Variants in CAST observed in about 807,000 individuals in gnomAD.
CAST encodes the protein calpastatin.
Under a neutral mutation model 119.6 loss-of-function variants are expected in CAST, and 76 were observed. That is an observed-to-expected ratio of 0.64 (90% CI 0.53 to 0.77). The LOEUF (loss-of-function observed/expected upper bound fraction) is 0.77. Ranked by LOEUF, CAST falls within the 30% of genes least tolerant of loss-of-function variation. CAST has a pLI of 0.00. For synonymous variants in CAST, 319 were observed against 331.6 expected (o/e 0.96, Z 0.41); for missense variants, 953 against 946.5 (o/e 1.01, Z -0.09).
chr5:96,275,648 T>G, the CAST span, among the ~76,000 whole-genome samples: 3 of 152,132 alleles, frequency 2.0e-5, no homozygotes, highest in African/African-American at 7.2e-5. Context: ...GATATAGAGT[T>G]TATTTTGAAG....
At chr5:96,388,325 G>A in the CAST span, among the ~76,000 whole-genome samples, 8 of 152,312 alleles carry the variant, frequency 5.3e-5, no homozygotes, top group African/African-American at 1.7e-4. Flanking sequence ...GCTCTGCTTC[G>A]TGCTATGAGT....
chr5:96,291,843 CGTGTGT>C, the CAST span, among the ~76,000 whole-genome samples: 883 of 133,048 alleles, frequency 6.6e-3, 7 homozygotes, highest in African/African-American at 0.019. Flanking sequence ...TCCCAGTCTG[CGTGTGT>C]GTGTGTGTGT....
At chr5:96,291,346 C>A in the CAST span, among the ~76,000 whole-genome samples, 2 of 152,184 alleles carry the variant, frequency 1.3e-5, no homozygotes, top group Non-Finnish European at 2.9e-5. Context: ...GATGCAAAGG[C>A]TTTGTCAATA....
At chr5:96,375,516 A>T in the CAST span, among the ~76,000 whole-genome samples, 3 of 152,182 alleles carry the variant, frequency 2.0e-5, no homozygotes, top group South Asian at 6.2e-4. Flanking sequence ...TTAGAAATAT[A>T]AAAAACACAA....
At chr5:96,636,377 C>A (rs964721929) in intron 1 of CAST, among the ~76,000 whole-genome samples, 1 of 152,168 alleles carries the variant, frequency 6.6e-6, no homozygotes, top group African/African-American at 2.4e-5. Context: ...TTACTTTATA[C>A]TAAAGGAAAT....
the CAST span, among the ~76,000 whole-genome samples, chr5:96,464,070 C>T: frequency 1.3e-5 from 2 of 151,858 alleles, no homozygotes; most frequent in African/African-American, 2.4e-5. Flanking sequence ...CTATGAGAAA[C>T]ATGTGTGATA....
chr5:96,386,871 A>G, the CAST span, among the ~76,000 whole-genome samples: 2 of 152,216 alleles, frequency 1.3e-5, no homozygotes, highest in African/African-American at 2.4e-5. Context: ...AGACTGAGAC[A>G]GGAGAATCAG....
At chr5:96,122,551 A>C in the CAST span, among the ~76,000 whole-genome samples, 1 of 152,160 alleles carries the variant, frequency 6.6e-6, no homozygotes. Context: ...GTAAAGTCGA[A>C]CTTGTTTGAG....
In CAST at chr5:96,743,556, A is replaced by G. The variant is rs1323042178; in HGVS notation, c.1200+800A>G. ...ATCTCTGCTGTCACTTCCTGTTCTG[A>G]GTCATCAGGGAAGGGGAGTCTCCCT... is the stretch of plus-strand genomic sequence containing the variant. On this transcript the variant is annotated intron_variant, in intron 16 of 31. Coordinates refer to ENST00000675179, the MANE Select transcript of CAST (RefSeq NM_001750.7). 61 of 1,564,708 alleles carry G rather than the reference A, an allele frequency of 3.9e-5. 2 individuals carry two copies. The Admixed American group carries it at 1.1e-3, about 27-fold the overall frequency.
At chr5:96,411,017 G>A in the CAST span, 1 of 1,473,036 alleles carries the variant, frequency 6.8e-7, no homozygotes, top group Non-Finnish European at 9.5e-7. Context: ...CATATTATCT[G>A]TTATCATCTA....
the CAST span, among the ~76,000 whole-genome samples, chr5:96,077,584 A>G: frequency 6.6e-6 from 1 of 152,186 alleles, no homozygotes; most frequent in East Asian, 1.9e-4. Flanking sequence ...GGATAGATTA[A>G]TGCCCTTCCT....
the CAST span, among the ~76,000 whole-genome samples, chr5:96,327,139 T>C: frequency 6.6e-6 from 1 of 152,240 alleles, no homozygotes; most frequent in East Asian, 1.9e-4. Context: ...TTATTTGACT[T>C]TCCTGAGTTT....
intron 24 of CAST, among the ~76,000 whole-genome samples, chr5:96,758,433 A>C (rs1766841770): frequency 6.6e-6 from 1 of 152,180 alleles, no homozygotes; most frequent in Non-Finnish European, 1.5e-5. Context: ...TGAGTCTGTT[A>C]GAGTTCCCAA....
the CAST span, among the ~76,000 whole-genome samples, chr5:96,153,930 A>T: frequency 1.3e-5 from 2 of 152,208 alleles, no homozygotes; most frequent in African/African-American, 4.8e-5. Flanking sequence ...TATCTGAAAT[A>T]TTTGAGGCAG....
rs1752738236 is a variant in CAST at position 96,691,620 on chromosome 5, G to C, written c.139-4216G>C. 3.3e-5 allele frequency among the ~76,000 whole-genome samples: 5 copies of C among 152,170 alleles called. No individual in the cohort carries two copies. In the South Asian group the frequency reaches 1.0e-3, roughly 32 times the overall value. On this transcript the variant is annotated intron_variant, in intron 2 of 31. Coordinates refer to ENST00000675179, the MANE Select transcript of CAST (RefSeq NM_001750.7). Reference sequence around the variant, plus strand: ...TTTAGAGCCAGGATTTTCAACCTGTGGGTCACAGTCCTCAGGATATGTTGT... The same window carrying C: ...TTTAGAGCCAGGATTTTCAACCTGTCGGTCACAGTCCTCAGGATATGTTGT...
the CAST span, among the ~76,000 whole-genome samples, chr5:96,098,020 A>C: frequency 6.6e-6 from 1 of 152,176 alleles, no homozygotes; most frequent in Non-Finnish European, 1.5e-5. Context: ...AACAATAGCC[A>C]TTCTGACTGG....
chr5:96,521,009 G>A (rs952560785), upstream of CAST, among the ~76,000 whole-genome samples: 20 of 152,036 alleles, frequency 1.3e-4, no homozygotes, highest in African/African-American at 4.8e-4. Context: ...CTCAGTTTAG[G>A]GCCTCTTGGA....
At chr5:96,120,349 C>T in the CAST span, among the ~76,000 whole-genome samples, 2 of 152,154 alleles carry the variant, frequency 1.3e-5, no homozygotes, top group Admixed American at 1.3e-4. Flanking sequence ...GGTGCAAAGC[C>T]GGAAGCAACA....
chr5:95,984,945 T>C, the CAST span, among the ~76,000 whole-genome samples: 22 of 149,740 alleles, frequency 1.5e-4, no homozygotes, highest in Non-Finnish European at 8.8e-5. Context: ...ATATGTTGAA[T>C]GATATTTTGA....
Sources: allele counts gnomAD v4.1 joint callset (sites outside exome capture counted in the v4.1 genomes callset), GRCh38; gene constraint gnomAD v4.1.1; transcripts MANE v1.5; gene names NCBI Gene and HGNC (gene_info 2026-07-23, HGNC 2026-07-21).